The following MLPH variants were observed in gnomAD, a reference collection of about 807,000 sequenced individuals.
MLPH encodes the protein exophilin-3.
In MLPH, 51 loss-of-function variants were observed where a neutral mutation model predicts 72.1. That is an observed-to-expected ratio of 0.71 (90% CI 0.56 to 0.89). The LOEUF (loss-of-function observed/expected upper bound fraction) is 0.89, where lower values mean the gene tolerates loss of function less well. Ranked by LOEUF, MLPH falls within the 40% of genes least tolerant of loss-of-function variation. The pLI is 0.00. For missense variants in MLPH, 743 were observed against 759.9 expected (o/e 0.98, Z 0.26); for synonymous variants, 301 against 310.1 (o/e 0.97, Z 0.31).
At chr2:237,550,871 G>C (rs2081023698) in intron 14 of MLPH, among the ~76,000 whole-genome samples, 2 of 152,178 alleles carry the variant, frequency 1.3e-5, no homozygotes, top group African/African-American at 4.8e-5. Flanking sequence ...TTTGTAGCAG[G>C]AGGACAAGGG....
At chr2:237,548,824 AGCCGCGATCGCACCACTGCACTC>A (rs2080972477) in intron 13 of MLPH, among the ~76,000 whole-genome samples, 6 of 152,224 alleles carry the variant, frequency 3.9e-5, no homozygotes, top group African/African-American at 1.2e-4. Context: ...GCTTGCAGTG[AGCCGCGATCGCACCACTGCACTC>A]CAGCCTGGGT....
At chr2:237,532,355 T>G (rs2080437619) in intron 8 of MLPH, among the ~76,000 whole-genome samples, 1 of 152,234 alleles carries the variant, frequency 6.6e-6, no homozygotes, top group Admixed American at 6.5e-5. Context: ...CCTGTAGATA[T>G]TGTTCAAGCC....
chr2:237,525,735 C>G lies in MLPH; in HGVS notation c.810C>G (p.His270Gln), dbSNP rs747826191. The change falls in exon 7 of 16, where the codon CAC (histidine) becomes CAG (glutamine). Residue 270 changes from histidine to glutamine, a missense_variant. Transcript: ENST00000264605. Reference protein sequence around the residue: ...EQPTSISPSRHGALAELCPPG... With the variant: ...EQPTSISPSRQGALAELCPPG... ...CGACCAGCATCTCACCTTCCAGACACGGCGCCCTGGCTGAGCTCTGCCCGC... is the reference window on the plus strand; with the variant it reads ...CGACCAGCATCTCACCTTCCAGACAGGGCGCCCTGGCTGAGCTCTGCCCGC... 4 of 1,614,066 alleles carry G rather than the reference C, an allele frequency of 2.5e-6. No individual in the cohort carries two copies. The highest frequency in any genetic ancestry group is 3.4e-6 in the Non-Finnish European group (4 of 1,180,040).
chr2:237,504,119 G>A lies in MLPH; in HGVS notation c.111-6455G>A, dbSNP rs371246524. On this transcript the variant is annotated intron_variant, in intron 2 of 15. Transcript: ENST00000264605. ...CTCCAGGAGGTGCCACAATCCTGCC[G>A]ACACCTTGATGTTAGCTCAATGAAT... Among the ~76,000 whole-genome samples, 68 of 152,308 alleles carry A rather than the reference G, an allele frequency of 4.5e-4. 1 individual carries two copies. The South Asian group carries it at 0.013, about 30-fold the overall frequency.
rs2079918929 is a variant in MLPH, at chr2:237,512,178, C to T, written c.445+1077C>T. ...TGGGGCGTCCTCACCATGCCCCAGC[C>T]CAGGCGTCTCCCCCAGGCCTTCCTT... On this transcript the variant is annotated intron_variant, in intron 4 of 15. Transcript: ENST00000264605. This position sits in a 1 kb window ranked among gnomAD's most constrained non-coding sequence, Gnocchi z 5.5. 6.6e-6 allele frequency among the ~76,000 whole-genome samples: 1 copy of T among 152,218 alleles called. No individual in the cohort carries two copies. The highest frequency in any genetic ancestry group is 2.1e-4 in the South Asian group (1 of 4,832).
intron 2 of MLPH, among the ~76,000 whole-genome samples, chr2:237,497,266 A>T (rs1456741963): frequency 6.6e-6 from 1 of 152,218 alleles, no homozygotes; most frequent in Non-Finnish European, 1.5e-5. Context: ...CAGGCCAGGG[A>T]CACTTACTGG....
chr2:237,489,772 C>A (rs1245084942), intron 1 of MLPH, among the ~76,000 whole-genome samples: 2 of 152,168 alleles, frequency 1.3e-5, no homozygotes, highest in African/African-American at 2.4e-5. Flanking sequence ...GCTAGTTAAG[C>A]CAATTCTTCA....
chr2:237,523,293 T>A (rs1307541157), intron 6 of MLPH, among the ~76,000 whole-genome samples: 1 of 152,176 alleles, frequency 6.6e-6, no homozygotes, highest in Non-Finnish European at 1.5e-5. Context: ...GGTATGAACC[T>A]TTTTTGCAGG....
chr2:237,531,310 G>GGTGGCCAGGATAGAGACATCTCTGGT (rs147452432), intron 8 of MLPH, among the ~76,000 whole-genome samples: 22,864 of 151,930 alleles, frequency 0.15, 1,947 homozygotes, highest in South Asian at 0.31. Context: ...GGAGGACTAG[G>GGTGGCCAGGATAGAGACATCTCTGGT]GTGGCCAGGA....
At chr2:237,494,183 G>T (rs539465582) in intron 2 of MLPH, among the ~76,000 whole-genome samples, 16 of 152,188 alleles carry the variant, frequency 1.1e-4, no homozygotes, top group African/African-American at 3.1e-4. Context: ...CCGGCGAAGG[G>T]GGGGGCAGAG....
At chr2:237,515,203 G>A (rs2079988385) in intron 4 of MLPH, among the ~76,000 whole-genome samples, 1 of 152,220 alleles carries the variant, frequency 6.6e-6, no homozygotes, top group South Asian at 2.1e-4. Flanking sequence ...CACGGAGGAG[G>A]GTGTACGGCA....
Position 237,554,466 on chromosome 2 carries a change from T to G in MLPH, c.*874T>G, listed in dbSNP as rs566465245. 4 of 154,452 alleles carry G rather than the reference T, an allele frequency of 2.6e-5. No homozygotes were observed. The East Asian group carries it at 5.8e-4, about 22-fold the overall frequency. 9.6% of individuals were successfully genotyped at this position (154,452 alleles called of 1,614,324 possible). ...AGGAGTCAGCTTGCCACTCGCCCATTGGTTACATAGATGATCTCTCAGACA... is the reference window on the plus strand; with the variant it reads ...AGGAGTCAGCTTGCCACTCGCCCATGGGTTACATAGATGATCTCTCAGACA... On this transcript the variant is annotated 3_prime_UTR_variant, in exon 16 of 16. Transcript: ENST00000264605.
chr2:237,493,688 G>T, intron 2 of MLPH, 152 bp downstream of exon 2: 1 of 660,686 alleles, frequency 1.5e-6, no homozygotes, highest in Non-Finnish European at 2.8e-6. Flanking sequence ...CTTCTTTCTG[G>T]CCTTGGTTTT....
chr2:237,507,433 T>C (rs183977746), intron 2 of MLPH: 1 of 152,352 alleles, frequency 6.6e-6, no homozygotes, highest in East Asian at 1.9e-4. Flanking sequence ...ACTTTTCCTT[T>C]TCTGTTTGTT....
intron 6 of MLPH, among the ~76,000 whole-genome samples, chr2:237,523,200 T>A (rs908364061): frequency 1.3e-5 from 2 of 152,176 alleles, no homozygotes; most frequent in African/African-American, 4.8e-5. Flanking sequence ...AGATAATGGC[T>A]TCTTGGTCTG....
chr2:237,540,160 C>G (rs2080639236), intron 9 of MLPH, among the ~76,000 whole-genome samples, 188 bp from the exon 10 acceptor site: 1 of 152,268 alleles, frequency 6.6e-6, no homozygotes, highest in Non-Finnish European at 1.5e-5. Context: ...CCTGCAGAAC[C>G]TGCTCCTGGA....
intron 13 of MLPH, among the ~76,000 whole-genome samples, chr2:237,548,747 C>T (rs1265150617): frequency 6.6e-6 from 1 of 152,288 alleles, no homozygotes; most frequent in Middle Eastern, 3.4e-3. Context: ...GGCGTGGTGG[C>T]GGGCGCCTGT....
intron 1 of MLPH, among the ~76,000 whole-genome samples, chr2:237,490,987 T>A (rs2079418953): frequency 6.6e-6 from 1 of 152,266 alleles, no homozygotes; most frequent in South Asian, 2.1e-4. Flanking sequence ...TCCATTTTTA[T>A]GGCATAAGCC....
Position 237,516,452 on chromosome 2 carries a change from G to A in MLPH, c.446-2087G>A, listed in dbSNP as rs145053630. On this transcript the variant is annotated intron_variant, in intron 4 of 15. Coordinates refer to ENST00000264605, the MANE Select transcript of MLPH (RefSeq NM_024101.7). ...TCCCTTCCTGTAGTGATGAGGTCAG[G>A]CCTGCTGACCAGCAAATGCTATGAG... Among the ~76,000 whole-genome samples the A allele has an allele frequency of 2.2e-3, 332 of 152,290 alleles. 1 individual carries two copies. Among genetic ancestry groups the A allele is most frequent in the African/African-American group, 7.4e-3 (307 of 41,552 alleles).
Sources: allele counts gnomAD v4.1 joint callset (sites outside exome capture counted in the v4.1 genomes callset), GRCh38; gene constraint gnomAD v4.1.1; non-coding constraint Gnocchi (gnomAD v3.1); transcripts MANE v1.5; gene names NCBI Gene and HGNC (gene_info 2026-07-23, HGNC 2026-07-21).